TUBD1: variants seen among roughly 807,000 people sequenced by gnomAD.
The protein encoded by TUBD1 is tubulin delta chain.
A neutral mutation model predicts 51.2 loss-of-function variants in TUBD1; 38 were observed. The observed-to-expected ratio is 0.74, with a 90% CI of 0.57 to 0.97. The LOEUF (loss-of-function observed/expected upper bound fraction) is 0.97. TUBD1 is among the 50% of genes least tolerant of loss of function. The probability of loss-of-function intolerance (pLI) is 0.00; values close to 1 mark genes in which losing one functional copy is unlikely to be tolerated. For synonymous variants in TUBD1, 169 were observed against 178.2 expected (o/e 0.95, Z 0.41); for missense variants, 489 against 538.4 (o/e 0.91, Z 0.91).
intron 8 of TUBD1, among the ~76,000 whole-genome samples, chr17:59,860,867 G>A (rs1265051263): frequency 1.3e-5 from 2 of 151,958 alleles, no homozygotes; most frequent in African/African-American, 4.8e-5. Context: ...GATTACAGGT[G>A]TGAGCCACCA....
intron 8 of TUBD1, among the ~76,000 whole-genome samples, chr17:59,861,756 C>T (rs567542854): frequency 8.8e-4 from 134 of 151,790 alleles, no homozygotes; most frequent in African/African-American, 2.8e-3. Context: ...CAACCTCCAC[C>T]TCCCAGGTTC....
At position 59,886,180 on chromosome 17, in the gene TUBD1, G is replaced by C. The variant is rs774443751; in HGVS notation, c.223C>G (p.Gln75Glu). The change falls in exon 3 of 9, where the codon CAA (glutamine) becomes GAA (glutamate). Residue 75 changes from glutamine (Q) to glutamate (E), a missense_variant. Physicochemically the swap from Gln to Glu is conservative, Grantham distance 29. Coordinates refer to ENST00000325752, the MANE Select transcript of TUBD1 (RefSeq NM_016261.4). Reference sequence around the variant, plus strand: ...GACTGGGCAGCCTTTGACAGCATTTGATTGATAACTTTGGGTTCCATGTCA... The same window carrying C: ...GACTGGGCAGCCTTTGACAGCATTTCATTGATAACTTTGGGTTCCATGTCA... ...LVDMEPKVIN[Q>E]MLSKAAQSGQ... The C allele has an allele frequency of 1.9e-6, 3 of 1,613,884 alleles. No individual in the cohort carries two copies. Among genetic ancestry groups the C allele is most frequent in the Non-Finnish European group, 2.5e-6 (3 of 1,179,948 alleles).
Position 59,860,430 on chromosome 17 carries a change from A to T in TUBD1, c.1260-6T>A. The T allele has an allele frequency of 4.2e-6, 6 of 1,413,170 alleles. No homozygotes were observed. Among genetic ancestry groups the T allele is most frequent in the Non-Finnish European group, 4.9e-6 (5 of 1,024,190 alleles). The allele number at this position is 1,413,170 out of a possible 1,614,324, so 87.5% of individuals were successfully genotyped here. ...TGTACTGATGAATGTAGGCTCTGGT[A>T]GAAAAAAAAAAAAAACAGAAATTAC... On this transcript the variant is annotated splice_region_variant and splice_polypyrimidine_tract_variant and intron_variant, in intron 8 of 8. Coordinates refer to ENST00000325752, the MANE Select transcript of TUBD1 (RefSeq NM_016261.4).
At position 59,865,663 on chromosome 17, in the gene TUBD1, C is replaced by T. The variant is rs147870218; in HGVS notation, c.1075+946G>A. Among the ~76,000 whole-genome samples, 327 of 152,312 alleles carry T rather than the reference C, an allele frequency of 2.1e-3. 3 individuals carry two copies. The highest frequency in any genetic ancestry group is 7.4e-3 in the African/African-American group (309 of 41,580). The stretch of plus-strand genomic sequence containing the variant: ...CTTTTCACAGATACCACTGGTTGTC[C>T]AGCAATTCCTGCTCCTTAGCAATTC... On this transcript the variant is annotated intron_variant, in intron 7 of 8. Coordinates refer to ENST00000325752, the MANE Select transcript of TUBD1 (RefSeq NM_016261.4).
intron 6 of TUBD1, among the ~76,000 whole-genome samples, chr17:59,871,523 A>C (rs2039983440): frequency 6.6e-6 from 1 of 152,060 alleles, no homozygotes; most frequent in East Asian, 1.9e-4. Flanking sequence ...GTAGCCTCAA[A>C]CATTTTAATT....
At chr17:59,878,609 A>G (rs1056957166) in intron 4 of TUBD1, 3 of 311,980 alleles carry the variant, frequency 9.6e-6, no homozygotes, top group Non-Finnish European at 1.8e-5. Context: ...AGCCCCGAGC[A>G]GCTGGAATTA....
chr17:59,882,927 G>GGTGT (rs879596023), intron 3 of TUBD1, among the ~76,000 whole-genome samples: 21,390 of 151,426 alleles, frequency 0.14, 1,643 homozygotes, highest in Middle Eastern at 0.18. Context: ...TGGGACCACA[G>GGTGT]GCACAGGCCG....
At position 59,874,610 on chromosome 17, in the gene TUBD1, G is replaced by T. The variant is rs1408730855; in HGVS notation, c.863C>A (p.Thr288Asn). ...GAGGAGGCCAGCCCAAGTAAATGTGGTGTATGCCAATGAATTCTCAGACAT... is the reference window on the plus strand; with the variant it reads ...GAGGAGGCCAGCCCAAGTAAATGTGTTGTATGCCAATGAATTCTCAGACAT... ...PHMSENSLAYTTFTWAGLLKH... is the reference protein window; with the variant it reads ...PHMSENSLAYNTFTWAGLLKH... The change falls in exon 6 of 9, where the codon ACC (threonine) becomes AAC (asparagine). Residue 288 changes from threonine to asparagine, a missense_variant. Transcript: ENST00000325752. The T allele has an allele frequency of 6.2e-7, 1 of 1,613,580 alleles. No individual in the cohort carries two copies. Among genetic ancestry groups the T allele is most frequent in the South Asian group, 1.1e-5 (1 of 90,912 alleles).
intron 7 of TUBD1, among the ~76,000 whole-genome samples, chr17:59,866,145 C>A (rs1193412984): frequency 6.2e-5 from 9 of 145,848 alleles, no homozygotes; most frequent in African/African-American, 2.3e-4. Context: ...GGAAAGGAGG[C>A]AGGTCCTTCT....
At chr17:59,864,070 C>T (rs974973492) in intron 7 of TUBD1, among the ~76,000 whole-genome samples, 3 of 151,972 alleles carry the variant, frequency 2.0e-5, no homozygotes, top group African/African-American at 7.3e-5. Flanking sequence ...AGTAAAACCC[C>T]ATCTCTACTA....
chr17:59,886,099 T>A lies in TUBD1; in HGVS notation c.304A>T (p.Asn102Tyr). 6.2e-7 allele frequency: 1 copy of A among 1,614,056 alleles called. No homozygotes were observed. The highest frequency in any genetic ancestry group is 1.3e-5 in the African/African-American group (1 of 75,036). Residue 102 changes from asparagine to tyrosine, a missense_variant, in exon 3 of 9, where the codon AAC (asparagine) becomes TAC (tyrosine). By Grantham distance (143) the Asn-to-Tyr change is moderately radical (BLOSUM62 -2). Transcript: ENST00000325752. ...TATTCTTACCCATATGCCCAGTTGT[T>A]TCCAGAACCTTGTTTTTGACAGAAG... is the stretch of plus-strand genomic sequence containing the variant. ...ACFCQKQGSG[N>Y]NWAYGYSVHG...
chr17:59,876,165 A>G (rs981717019), intron 5 of TUBD1, among the ~76,000 whole-genome samples: 5 of 147,284 alleles, frequency 3.4e-5, no homozygotes, highest in Non-Finnish European at 7.4e-5. Flanking sequence ...ATAATTCATG[A>G]GCACTAAGGC....
Position 59,880,897 on chromosome 17 carries a change from A to G in TUBD1, c.534T>C (p.Gly178=). ...TTTTCAATTAACATGTCCATACCTC[A>G]CCAGTTCCATAAGGCCAAATAATCT... ...MNQIIWPYGT[G]EVIVQNYNSI... The change falls in exon 4 of 9, where the codon GGT becomes GGC. Residue 178 remains glycine, a synonymous_variant. Transcript: ENST00000325752. 1 of 1,612,484 alleles carries G rather than the reference A, an allele frequency of 6.2e-7. No individual in the cohort carries two copies. The highest frequency in any genetic ancestry group is 8.5e-7 in the Non-Finnish European group (1 of 1,178,552).
At chr17:59,884,254 C>T (rs1295215515) in intron 3 of TUBD1, among the ~76,000 whole-genome samples, 1 of 145,736 alleles carries the variant, frequency 6.9e-6, no homozygotes, top group Non-Finnish European at 1.5e-5. Context: ...GAGCAAGACT[C>T]TTGTCTTAAA....
At position 59,866,110 on chromosome 17, in the gene TUBD1, CAA is replaced by C. The variant is rs1191579900; in HGVS notation, c.1075+497_1075+498del. 4.5e-3 allele frequency among the ~76,000 whole-genome samples: 346 copies of C among 76,174 alleles called. 2 individuals carry two copies. Among genetic ancestry groups the C allele is most frequent in the African/African-American group, 0.012 (310 of 25,710 alleles). 50.0% of individuals were successfully genotyped at this position (76,174 alleles called of 152,430 possible). A position where few individuals can be genotyped will look rare whatever the true frequency, so the allele number is the denominator to read the frequency against. ...TGGGCAACAGAGTGAGACCCCGTCT[CAA>C]AAAAAAAAAAAAAAAAAAAAAAGGA... On this transcript the variant is annotated intron_variant, in intron 7 of 8. Coordinates refer to ENST00000325752, the MANE Select transcript of TUBD1 (RefSeq NM_016261.4).
intron 4 of TUBD1, among the ~76,000 whole-genome samples, chr17:59,879,560 C>T (rs868113801): frequency 1.1e-4 from 16 of 150,626 alleles, no homozygotes; most frequent in Middle Eastern, 3.3e-3. Flanking sequence ...CTCAGCCTCC[C>T]GAGTAGCTGG....
intron 6 of TUBD1, among the ~76,000 whole-genome samples, chr17:59,868,610 G>T (rs187615656): frequency 2.0e-5 from 3 of 152,064 alleles, no homozygotes; most frequent in South Asian, 2.1e-4. Context: ...GAGGCAGAGG[G>T]GGGGGATCAC....
chr17:59,862,204 T>C (rs2144411110), intron 8 of TUBD1, among the ~76,000 whole-genome samples: 1 of 151,064 alleles, frequency 6.6e-6, no homozygotes, highest in African/African-American at 2.4e-5. Flanking sequence ...ATGCCTGTAA[T>C]CCCAGCTACT....
intron 8 of TUBD1, among the ~76,000 whole-genome samples, chr17:59,861,355 C>T (rs1355157335): frequency 1.3e-5 from 2 of 151,874 alleles, no homozygotes; most frequent in Non-Finnish European, 1.5e-5. Context: ...CGTACCACCA[C>T]ACCTGGCTAA....
Sources: gnomAD v4.1 joint callset for allele counts (sites outside exome capture counted in the v4.1 genomes callset) on GRCh38, gnomAD v4.1.1 for gene constraint, MANE v1.5 for transcripts, NCBI Gene and HGNC (gene_info 2026-07-23, HGNC 2026-07-21) for gene names.